MSI2: variants seen among roughly 807,000 people sequenced by gnomAD.
MSI2 encodes the protein RNA-binding protein Musashi homolog 2.
Under a neutral mutation model 45.6 loss-of-function variants are expected in MSI2, and 17 were observed. The ratio of observed to expected loss-of-function variants is 0.37; its 90% CI spans 0.26 to 0.56. The LOEUF is 0.56. Ranked by LOEUF, MSI2 falls within the 20% of genes least tolerant of loss-of-function variation. The pLI is 0.77. For missense variants in MSI2, 293 were observed against 444.2 expected, an observed-to-expected ratio of 0.66 and a Z score of 3.06; for synonymous variants, 156 against 158.2, an observed-to-expected ratio of 0.99 and a Z score of 0.11.
At chr17:57,630,385 C>T (rs1051348382) in intron 10 of MSI2, 10 of 152,282 alleles carry the variant, frequency 6.6e-5, no homozygotes, top group African/African-American at 2.2e-4. Context: ...TCTCAACCAT[C>T]AAACTTTTAT....
intron 7 of MSI2, among the ~76,000 whole-genome samples, chr17:57,564,507 T>C (rs1221852119): frequency 6.6e-6 from 1 of 152,162 alleles, no homozygotes; most frequent in Non-Finnish European, 1.5e-5. Context: ...GTGATGATGA[T>C]GGTGAGGCCA....
At chr17:57,600,624 G>A (rs1319267442) in intron 8 of MSI2, among the ~76,000 whole-genome samples, 1 of 152,158 alleles carries the variant, frequency 6.6e-6, no homozygotes, top group African/African-American at 2.4e-5. Context: ...AGGAGAAGGC[G>A]TGAGTCATTC....
At chr17:57,438,004 C>T (rs947183865) in intron 6 of MSI2, among the ~76,000 whole-genome samples, 1 of 152,196 alleles carries the variant, frequency 6.6e-6, no homozygotes, top group Non-Finnish European at 1.5e-5. Context: ...GAAAAGAAAG[C>T]ACAGTGTGTC....
At chr17:57,693,870 T>C in the MSI2 span, among the ~76,000 whole-genome samples, 1 of 152,274 alleles carries the variant, frequency 6.6e-6, no homozygotes. Context: ...ACTATGGTCC[T>C]TGGGCCAAAT....
intron 10 of MSI2, chr17:57,632,335 T>G: frequency 9.4e-7 from 1 of 1,067,440 alleles, no homozygotes; most frequent in Non-Finnish European, 1.1e-6. Context: ...TCTAAGAATG[T>G]GAGAAACCTG....
chr17:57,393,861 T>C (rs1232003361), intron 5 of MSI2, among the ~76,000 whole-genome samples: 1 of 152,142 alleles, frequency 6.6e-6, no homozygotes, highest in Non-Finnish European at 1.5e-5. Flanking sequence ...TTCGTATTTT[T>C]AGTAGAGATG....
intron 7 of MSI2, among the ~76,000 whole-genome samples, chr17:57,545,624 C>T (rs913551823): frequency 6.6e-6 from 1 of 152,248 alleles, no homozygotes; most frequent in Middle Eastern, 3.4e-3. Flanking sequence ...AGTAGCAGGC[C>T]GTTGAAATTC....
chr17:57,527,429 C>T (rs915225629), intron 6 of MSI2, among the ~76,000 whole-genome samples: 1 of 151,472 alleles, frequency 6.6e-6, no homozygotes, highest in Non-Finnish European at 1.5e-5. Flanking sequence ...GGAGGTGGAA[C>T]GGCTGTTGTG....
At chr17:57,694,576 T>C in the MSI2 span, among the ~76,000 whole-genome samples, 1 of 152,186 alleles carries the variant, frequency 6.6e-6, no homozygotes, top group African/African-American at 2.4e-5. Flanking sequence ...AATTAACAGT[T>C]TTGCCACTTT....
At chr17:57,551,964 C>T (rs1460392159) in intron 7 of MSI2, among the ~76,000 whole-genome samples, 1 of 152,192 alleles carries the variant, frequency 6.6e-6, no homozygotes, top group Non-Finnish European at 1.5e-5. Context: ...GCCAATAGCC[C>T]AGCTTCCCTG....
In MSI2 at chr17:57,457,983, A is replaced by G. The variant is rs568839811; in HGVS notation, c.405+56512A>G. Among the ~76,000 whole-genome samples, 7 of 152,262 alleles carry G rather than the reference A, an allele frequency of 4.6e-5. No homozygotes were observed. In the South Asian group the frequency reaches 1.5e-3, roughly 32 times the overall value. ...TTCTGACTCAATAAATTGAAGTCAG[A>G]TAGATATATTTTTATCAACTGGGCA... On this transcript the variant is annotated intron_variant, in intron 6 of 13. Transcript: ENST00000284073.
chr17:57,473,728 A>C (rs1017036576), intron 6 of MSI2, among the ~76,000 whole-genome samples: 30 of 152,154 alleles, frequency 2.0e-4, no homozygotes, highest in Non-Finnish European at 5.9e-5. Flanking sequence ...TGCCCCTGGA[A>C]TCCAGCTACT....
intron 10 of MSI2, among the ~76,000 whole-genome samples, chr17:57,642,578 T>G (rs1390393812): frequency 6.6e-6 from 1 of 152,120 alleles, no homozygotes; most frequent in African/African-American, 2.4e-5. Context: ...GCCAGTTGTC[T>G]CTCCTTGGGC....
intron 6 of MSI2, among the ~76,000 whole-genome samples, chr17:57,524,337 G>A (rs1053164725): frequency 3.3e-5 from 5 of 152,214 alleles, no homozygotes; most frequent in African/African-American, 2.4e-5. Context: ...ACAGAGGAAC[G>A]GGTGTGAGAC....
chr17:57,584,479 T>G (rs980454144), intron 7 of MSI2, among the ~76,000 whole-genome samples: 1 of 152,102 alleles, frequency 6.6e-6, no homozygotes, highest in Non-Finnish European at 1.5e-5. Flanking sequence ...ATGACCCCCC[T>G]GTGGGGGGCG....
At chr17:57,691,442 T>A in the MSI2 span, among the ~76,000 whole-genome samples, 1 of 152,200 alleles carries the variant, frequency 6.6e-6, no homozygotes, top group Non-Finnish European at 1.5e-5. Flanking sequence ...GCTAAATCTA[T>A]GGATCAATTT....
intron 10 of MSI2, among the ~76,000 whole-genome samples, chr17:57,641,798 A>G (rs909782050): frequency 2.0e-5 from 3 of 152,218 alleles, no homozygotes; most frequent in Non-Finnish European, 4.4e-5. Flanking sequence ...AGATAGGCAG[A>G]TAGATGTTTG....
intron 5 of MSI2, among the ~76,000 whole-genome samples, chr17:57,307,421 A>G (rs1323842498): frequency 6.6e-6 from 1 of 151,756 alleles, no homozygotes; most frequent in African/African-American, 2.4e-5. Context: ...GGCCTGCCCT[A>G]GGATTTTTTT....
At chr17:57,371,290 A>T (rs2083416529) in intron 5 of MSI2, among the ~76,000 whole-genome samples, 1 of 152,222 alleles carries the variant, frequency 6.6e-6, no homozygotes, top group African/African-American at 2.4e-5. Context: ...AAATGTTTTT[A>T]ACTCCAACTT....
Sources: allele counts gnomAD v4.1 joint callset (sites outside exome capture counted in the v4.1 genomes callset), GRCh38; gene constraint gnomAD v4.1.1; transcripts MANE v1.5; gene names NCBI Gene and HGNC (gene_info 2026-07-23, HGNC 2026-07-21).